The following DOCK1 variants were observed in gnomAD, a reference collection of about 807,000 sequenced individuals.
DOCK1 encodes the protein dedicator of cytokinesis 1.
A neutral mutation model predicts 262.7 loss-of-function variants in DOCK1; 138 were observed. The ratio of observed to expected loss-of-function variants is 0.53; its 90% CI spans 0.46 to 0.61. The LOEUF (loss-of-function observed/expected upper bound fraction) is 0.61, where lower values mean the gene tolerates loss of function less well. DOCK1 is among the 20% of genes least tolerant of loss of function. The pLI, the probability that DOCK1 is intolerant of heterozygous loss-of-function variation, is 0.00. For synonymous variants in DOCK1, 866 were observed against 867.4 expected, an observed-to-expected ratio of 1.00 and a Z score of 0.03; for missense variants, 1,908 against 2,370.7, an observed-to-expected ratio of 0.80 and a Z score of 4.05.
At chr10:127,439,447 C>G (rs1472025515) in intron 49 of DOCK1, among the ~76,000 whole-genome samples, 9 of 152,194 alleles carry the variant, frequency 5.9e-5, no homozygotes, top group Admixed American at 3.3e-4. Flanking sequence ...GCATTTGTCC[C>G]CCTTCCGCAG....
At position 127,165,751 on chromosome 10, in the gene DOCK1, ACGTTG is replaced by A. The variant is rs1387299189; in HGVS notation, c.2847+37989_2847+37993del. On this transcript the variant is annotated intron_variant, in intron 27 of 51. Transcript: ENST00000623213. The stretch of plus-strand genomic sequence containing the variant: ...TCCCAGGCAGGTTCCTCAAGGAGAG[ACGTTG>A]CATCCTGGCACCCAGATCCCTGGAC... Among the ~76,000 whole-genome samples, 8 of 152,244 alleles carry A rather than the reference ACGTTG, an allele frequency of 5.3e-5. No homozygotes were observed. In the East Asian group the frequency reaches 1.4e-3, roughly 26 times the overall value.
intron 29 of DOCK1, chr10:127,272,097 C>A (rs904898853): frequency 6.6e-6 from 1 of 152,204 alleles, no homozygotes; most frequent in Non-Finnish European, 1.5e-5. Context: ...TGTGGTCAAC[C>A]TTTCCCATAA....
At chr10:127,151,922 C>A (rs1240713420) in intron 27 of DOCK1, among the ~76,000 whole-genome samples, 1 of 152,154 alleles carries the variant, frequency 6.6e-6, no homozygotes, top group Admixed American at 6.5e-5. Flanking sequence ...CTTATTCAGT[C>A]ACTTTTAATG....
intron 49 of DOCK1, among the ~76,000 whole-genome samples, chr10:127,442,744 A>C (rs2070258262): frequency 6.6e-6 from 1 of 152,252 alleles, no homozygotes; most frequent in Non-Finnish European, 1.5e-5. Context: ...CAAGGAGACC[A>C]AAGCATGCTG....
chr10:127,002,084 C>T (rs2040635515), intron 10 of DOCK1, among the ~76,000 whole-genome samples: 2 of 152,200 alleles, frequency 1.3e-5, no homozygotes, highest in Admixed American at 1.3e-4. Flanking sequence ...CCTGTAGCAT[C>T]TTTTACATGT....
At chr10:127,299,999 G>A (rs752723148) in intron 29 of DOCK1, among the ~76,000 whole-genome samples, 17 of 152,298 alleles carry the variant, frequency 1.1e-4, no homozygotes, top group African/African-American at 3.4e-4. Flanking sequence ...AACTGACTCC[G>A]TTTCTCCAAA....
intron 1 of DOCK1, among the ~76,000 whole-genome samples, chr10:126,946,780 A>G (rs1352474245): frequency 1.3e-5 from 2 of 152,180 alleles, no homozygotes; most frequent in Non-Finnish European, 2.9e-5. Flanking sequence ...CACTGTATGC[A>G]TTAGCCACAT....
chr10:126,981,052 A>G (rs1244560844), intron 3 of DOCK1, among the ~76,000 whole-genome samples: 1 of 149,248 alleles, frequency 6.7e-6, no homozygotes, highest in Non-Finnish European at 1.5e-5. Context: ...GGTTCAAGCG[A>G]TTCTCCTGCC....
chr10:127,102,740 T>C (rs2048321005), intron 23 of DOCK1, among the ~76,000 whole-genome samples: 1 of 152,156 alleles, frequency 6.6e-6, no homozygotes, highest in African/African-American at 2.4e-5. Context: ...TTCAGGAGAC[T>C]GAGGCAGAAG....
intron 35 of DOCK1, among the ~76,000 whole-genome samples, chr10:127,374,930 G>A (rs115631991): frequency 2.1e-3 from 325 of 152,358 alleles, no homozygotes; most frequent in African/African-American, 7.6e-3. Flanking sequence ...CTCTGGAACT[G>A]TGAGAAGAAA....
intron 23 of DOCK1, among the ~76,000 whole-genome samples, chr10:127,092,725 C>T (rs533527969): frequency 3.3e-5 from 5 of 152,244 alleles, no homozygotes; most frequent in Admixed American, 6.5e-5. Context: ...TCAAGTGATC[C>T]GCCTGCCTCA....
Position 126,990,463 on chromosome 10 carries a change from C to G in DOCK1, c.333C>G (p.Asn111Lys). The G allele has an allele frequency of 6.2e-7, 1 of 1,607,652 alleles. No homozygotes were observed. Residue 111 changes from asparagine (N) to lysine (K), a missense_variant, in exon 6 of 52, where the codon AAC (asparagine) becomes AAG (lysine). By Grantham distance (94) the Asn-to-Lys change is moderately conservative. Coordinates refer to ENST00000623213, the MANE Select transcript of DOCK1 (RefSeq NM_001290223.2). ...TIWRQLYVQD[N>K]REMFRSVRHM... ...GGTTTTTCCCCGTATAGCAAGATAA[C>G]AGGGAGATGTTTCGAAGTGTGCGGC...
chr10:127,120,476 C>T (rs1043117762), intron 25 of DOCK1, among the ~76,000 whole-genome samples: 9 of 152,190 alleles, frequency 5.9e-5, no homozygotes, highest in Admixed American at 2.6e-4. Flanking sequence ...ATCACTGCAA[C>T]GTGAATTCTC....
chr10:127,046,127 T>C (rs1167084278), intron 21 of DOCK1, among the ~76,000 whole-genome samples: 1 of 152,156 alleles, frequency 6.6e-6, no homozygotes, highest in African/African-American at 2.4e-5. Context: ...TCCCAAAATG[T>C]GTTCTATGGA....
At chr10:127,413,694 C>T (rs2067990180) in intron 43 of DOCK1, among the ~76,000 whole-genome samples, 1 of 152,182 alleles carries the variant, frequency 6.6e-6, no homozygotes. Flanking sequence ...TGAGAGAAAG[C>T]ACTGGAATCT....
chr10:127,391,772 CA>C (rs900337254), intron 38 of DOCK1, among the ~76,000 whole-genome samples: 1 of 152,138 alleles, frequency 6.6e-6, no homozygotes, highest in Non-Finnish European at 1.5e-5. Context: ...CGGTCCCTCT[CA>C]CCTGGGTCTG....
intron 10 of DOCK1, among the ~76,000 whole-genome samples, chr10:127,004,575 G>A (rs1039317059): frequency 6.6e-5 from 10 of 151,842 alleles, no homozygotes; most frequent in South Asian, 2.1e-4. Context: ...GCAAAACCTC[G>A]TCTCTACTAA....
At chr10:126,919,453 G>C (rs2032947803) in intron 1 of DOCK1, among the ~76,000 whole-genome samples, 1 of 152,030 alleles carries the variant, frequency 6.6e-6, no homozygotes, top group South Asian at 2.1e-4. Flanking sequence ...GAATCGTCCT[G>C]TTCCTCCAGG....
At chr10:127,306,886 A>C (rs1290318565) in intron 29 of DOCK1, among the ~76,000 whole-genome samples, 1 of 152,212 alleles carries the variant, frequency 6.6e-6, no homozygotes, top group East Asian at 1.9e-4. Flanking sequence ...TCTCGATAAG[A>C]ATTAAGAAAA....
Sources: gnomAD v4.1 joint callset for allele counts (sites outside exome capture counted in the v4.1 genomes callset) on GRCh38, gnomAD v4.1.1 for gene constraint, MANE v1.5 for transcripts, NCBI Gene and HGNC (gene_info 2026-07-23, HGNC 2026-07-21) for gene names.